Variants in UPF2 observed in about 807,000 individuals in gnomAD.
UPF2 encodes the protein regulator of nonsense transcripts 2.
A neutral mutation model predicts 141.4 loss-of-function variants in UPF2; 17 were observed. The ratio of observed to expected loss-of-function variants is 0.12; its 90% CI spans 0.08 to 0.18. The LOEUF is 0.18. UPF2 is among the 10% of genes least tolerant of loss of function. The pLI, the probability that UPF2 is intolerant of heterozygous loss-of-function variation, is 1.00. For missense variants in UPF2, 1,152 were observed against 1,515.9 expected (o/e 0.76, Z 3.99); for synonymous variants, 540 against 498.0 (o/e 1.08, Z -1.12).
At chr10:11,977,993 T>TAC (rs1280735848) in intron 9 of UPF2, among the ~76,000 whole-genome samples, 1 of 152,176 alleles carries the variant, frequency 6.6e-6, no homozygotes, top group South Asian at 2.1e-4. Context: ...AAGAAGTGCT[T>TAC]ACAGACCATT....
intron 3 of UPF2, among the ~76,000 whole-genome samples, chr10:12,022,299 C>T (rs1287876762): frequency 1.3e-5 from 2 of 151,236 alleles, no homozygotes; most frequent in Admixed American, 6.6e-5. Context: ...GTGGTCCCAG[C>T]GACTTGGGAG....
At position 11,967,468 on chromosome 10, in the gene UPF2, G is replaced by A. The variant is rs1420149326; in HGVS notation, c.1954-14C>T. On this transcript the variant is annotated splice_polypyrimidine_tract_variant and intron_variant, in intron 9 of 21. Transcript: ENST00000357604. ...CTTTTTCCGTACCTAAAAATTAAGA[G>A]AGAAAAGATAATGCTTAATCAACAT... 5.5e-6 allele frequency: 8 copies of A among 1,460,448 alleles called. No homozygotes were observed. In the East Asian group the frequency reaches 1.2e-4, roughly 23 times the overall value. The allele number at this position is 1,460,448 out of a possible 1,614,324, so 90.5% of individuals were successfully genotyped here.
intron 1 of UPF2, among the ~76,000 whole-genome samples, chr10:12,040,958 C>T (rs1834725630): frequency 2.0e-5 from 3 of 152,088 alleles, no homozygotes; most frequent in African/African-American, 7.2e-5. Context: ...TTTTACATTC[C>T]AAGGATAGCA....
Position 11,920,617 on chromosome 10 carries a change from C to A in UPF2, c.*681G>T, listed in dbSNP as rs148160298. 591 of 196,278 alleles carry A rather than the reference C, an allele frequency of 3.0e-3. 4 individuals carry two copies. The highest frequency in any genetic ancestry group is 0.013 in the African/African-American group (561 of 42,752). 12.2% of individuals were successfully genotyped at this position (196,278 alleles called of 1,614,324 possible). ...TCTCTGTATAGTAAAATAGTCTCCA[C>A]ATTTTTCTTTTACCTTAATAGGCAA... On this transcript the variant is annotated 3_prime_UTR_variant, in exon 22 of 22. Coordinates refer to ENST00000357604, the MANE Select transcript of UPF2 (RefSeq NM_015542.4).
chr10:11,942,439 T>C (rs756470669), intron 18 of UPF2, among the ~76,000 whole-genome samples: 4 of 152,166 alleles, frequency 2.6e-5, no homozygotes, highest in Non-Finnish European at 2.9e-5. Context: ...AATTATTCTG[T>C]TCCAAATCTT....
intron 7 of UPF2, among the ~76,000 whole-genome samples, chr10:11,999,244 T>C (rs770648689): frequency 8.6e-5 from 13 of 151,600 alleles, no homozygotes; most frequent in Non-Finnish European, 1.2e-4. Context: ...CCGGGTATGG[T>C]GGCTCATGCC....
chr10:11,934,552 G>C (rs143478863), intron 19 of UPF2, among the ~76,000 whole-genome samples: 11 of 152,222 alleles, frequency 7.2e-5, no homozygotes, highest in Non-Finnish European at 1.3e-4. Context: ...GTCATGCCGT[G>C]AAGTCTTTGC....
chr10:11,946,221 T>C (rs987645504), intron 16 of UPF2, among the ~76,000 whole-genome samples: 2 of 152,346 alleles, frequency 1.3e-5, no homozygotes, highest in South Asian at 2.1e-4. Flanking sequence ...CAATTTGTTA[T>C]GCAGTTAAAC....
chr10:12,020,856 G>A (rs1426461800), intron 3 of UPF2, among the ~76,000 whole-genome samples: 1 of 152,162 alleles, frequency 6.6e-6, no homozygotes, highest in Non-Finnish European at 1.5e-5. Context: ...TGAAATATTG[G>A]ACTATGCTGC....
At position 11,992,807 on chromosome 10, in the gene UPF2, G is replaced by A. The variant is rs1174375905; in HGVS notation, c.1844+4865C>T. On this transcript the variant is annotated intron_variant, in intron 8 of 21. Coordinates refer to ENST00000357604, the MANE Select transcript of UPF2 (RefSeq NM_015542.4). The surrounding 1 kb of genome is among the most constrained non-coding windows in gnomAD (Gnocchi z 4.1). Reference sequence around the variant, plus strand: ...TGAAAGATGGAATATAAAATAAAGGGCACAGGTATACCAAATAAAAGGCAC... The same window carrying A: ...TGAAAGATGGAATATAAAATAAAGGACACAGGTATACCAAATAAAAGGCAC... Among the ~76,000 whole-genome samples, 3 of 151,990 alleles carry A rather than the reference G, an allele frequency of 2.0e-5. No homozygotes were observed. The highest frequency in any genetic ancestry group is 2.9e-5 in the Non-Finnish European group (2 of 68,004).
intron 19 of UPF2, among the ~76,000 whole-genome samples, chr10:11,934,645 A>C (rs183305270): frequency 8.8e-4 from 134 of 152,310 alleles, no homozygotes; most frequent in Middle Eastern, 3.4e-3. Flanking sequence ...GCTGGAGTAC[A>C]ATGGTGTGAT....
intron 1 of UPF2, among the ~76,000 whole-genome samples, chr10:12,038,244 G>T (rs1409907111): frequency 6.6e-6 from 1 of 151,648 alleles, no homozygotes; most frequent in East Asian, 1.9e-4. Flanking sequence ...TTAGCTGGGC[G>T]TGGTAGCAGG....
intron 8 of UPF2, among the ~76,000 whole-genome samples, chr10:11,988,981 G>A (rs1309633564): frequency 4.6e-5 from 7 of 152,172 alleles, no homozygotes; most frequent in Non-Finnish European, 8.8e-5. Context: ...GGATCAAGCC[G>A]TCCCCCTCAG....
Position 11,945,572 on chromosome 10 carries a change from C to T in UPF2, c.3175-2404G>A, listed in dbSNP as rs74744313. On this transcript the variant is annotated intron_variant, in intron 16 of 21. Coordinates refer to ENST00000357604, the MANE Select transcript of UPF2 (RefSeq NM_015542.4). ...AACCTCCCTCTGCACATTTTGCTTG[C>T]ATTTTTATGTAGCAAACACACATGT... Among the ~76,000 whole-genome samples the T allele has an allele frequency of 2.9e-3, 438 of 152,254 alleles. 9 individuals are homozygous for T. The East Asian group carries it at 0.063, about 22-fold the overall frequency.
At position 11,939,162 on chromosome 10, in the gene UPF2, T is replaced by TGCCTG. The variant is rs1167163585; in HGVS notation, c.3379-2455_3379-2451dup. The stretch of plus-strand genomic sequence containing the variant: ...TGGGATTACAGGCATTGAGCCACTG[T>TGCCTG]GCCTGGCCAGCAAGTTTCTTGTCTT... On this transcript the variant is annotated intron_variant, in intron 18 of 21. Transcript: ENST00000357604. The surrounding 1 kb of genome is among the most constrained non-coding windows in gnomAD (Gnocchi z 4.8). 5.9e-5 allele frequency among the ~76,000 whole-genome samples: 9 copies of TGCCTG among 152,056 alleles called. No individual in the cohort carries two copies. The highest frequency in any genetic ancestry group is 5.9e-4 in the Admixed American group (9 of 15,266).
At position 11,996,284 on chromosome 10, in the gene UPF2, T is replaced by C. The variant is rs1178429854; in HGVS notation, c.1844+1388A>G. 5.9e-5 allele frequency among the ~76,000 whole-genome samples: 9 copies of C among 152,202 alleles called. No homozygotes were observed. The East Asian group carries it at 1.7e-3, about 29-fold the overall frequency. On this transcript the variant is annotated intron_variant, in intron 8 of 21. Transcript: ENST00000357604. ...TGCAAGTATATAAGACTACGAGATC[T>C]ATTTCTCATGGCTCTAGAATACTTG...
chr10:12,001,763 C>T lies in UPF2; in HGVS notation c.1567G>A (p.Glu523Lys). Reference sequence around the variant, plus strand: ...GTGTCATCATTAATTTCTAGATTCTCCAACTCAAGTTCCAAATCATCGGGA... The same window carrying T: ...GTGTCATCATTAATTTCTAGATTCTTCAACTCAAGTTCCAAATCATCGGGA... ...SSPDDLELELENLEINDDTLE... is the reference protein window; with the variant it reads ...SSPDDLELELKNLEINDDTLE... Residue 523 changes from glutamate (E) to lysine (K), a missense_variant, in exon 6 of 22, where the codon GAG (glutamate) becomes AAG (lysine). Glu to Lys is a moderately conservative substitution (Grantham distance 56). Transcript: ENST00000357604. The T allele has an allele frequency of 6.2e-7, 1 of 1,612,990 alleles. No individual in the cohort carries two copies. Among genetic ancestry groups the T allele is most frequent in the Non-Finnish European group, 8.5e-7 (1 of 1,179,592 alleles).
Position 11,936,469 on chromosome 10 carries a change from T to C in UPF2, c.3546+76A>G. On this transcript the variant is annotated intron_variant, in intron 19 of 21. Coordinates refer to ENST00000357604, the MANE Select transcript of UPF2 (RefSeq NM_015542.4). The surrounding 1 kb of genome is among the most constrained non-coding windows in gnomAD (Gnocchi z 6.6). Reference sequence around the variant, plus strand: ...TAAAACTGTCCAACCCTTATCCCCTTGTAGGTCAAAGATAAGTTAAAACCT... The same window carrying C: ...TAAAACTGTCCAACCCTTATCCCCTCGTAGGTCAAAGATAAGTTAAAACCT... 1 of 1,443,946 alleles carries C rather than the reference T, an allele frequency of 6.9e-7. No homozygotes were observed. Among genetic ancestry groups the C allele is most frequent in the Non-Finnish European group, 9.3e-7 (1 of 1,077,804 alleles). 89.4% of individuals were successfully genotyped at this position (1,443,946 alleles called of 1,614,324 possible).
At chr10:12,026,646 CTTTTTTTTTTT>C (rs760035093) in intron 3 of UPF2, 1 of 328,686 alleles carries the variant, frequency 3.0e-6, no homozygotes, top group African/African-American at 2.5e-5. Flanking sequence ...TTCCTATAAA[CTTTTTTTTTTT>C]TTTTTTTTTT....
Sources: allele counts gnomAD v4.1 joint callset (sites outside exome capture counted in the v4.1 genomes callset), GRCh38; gene constraint gnomAD v4.1.1; non-coding constraint Gnocchi (gnomAD v3.1); transcripts MANE v1.5; gene names NCBI Gene and HGNC (gene_info 2026-07-23, HGNC 2026-07-21).